Variants in PAPPA2 observed in about 807,000 individuals in gnomAD.
The protein encoded by PAPPA2 is pappalysin-2.
A neutral mutation model predicts 176.4 loss-of-function variants in PAPPA2; 86 were observed. That is an observed-to-expected ratio of 0.49 (90% CI 0.41 to 0.58). The LOEUF (loss-of-function observed/expected upper bound fraction) is 0.58, where lower values mean the gene tolerates loss of function less well. Among genes scored for constraint, PAPPA2 ranks in the 20% least tolerant of loss-of-function variants. The pLI is 0.00. For missense variants in PAPPA2, 2,073 were observed against 2,256.9 expected, an observed-to-expected ratio of 0.92 and a Z score of 1.65; for synonymous variants, 809 against 852.2, an observed-to-expected ratio of 0.95 and a Z score of 0.88.
At chr1:176,704,713 T>G (rs1457644775) in intron 9 of PAPPA2, among the ~76,000 whole-genome samples, 1 of 152,214 alleles carries the variant, frequency 6.6e-6, no homozygotes, top group Admixed American at 6.5e-5. Context: ...ATAAATTTTA[T>G]AAAGTCTAAA....
At chr1:176,523,627 T>C (rs1314046188) in intron 1 of PAPPA2, among the ~76,000 whole-genome samples, 1 of 152,262 alleles carries the variant, frequency 6.6e-6, no homozygotes, top group Non-Finnish European at 1.5e-5. Flanking sequence ...TGGAAATTCA[T>C]TTATTCATTC....
chr1:176,785,435 G>A (rs1280278651), intron 17 of PAPPA2, among the ~76,000 whole-genome samples: 1 of 152,138 alleles, frequency 6.6e-6, no homozygotes. Flanking sequence ...GGAGGCCCAT[G>A]GAGAGACGGC....
intron 2 of PAPPA2, among the ~76,000 whole-genome samples, chr1:176,571,845 A>C (rs1041817203): frequency 1.3e-5 from 2 of 152,242 alleles, no homozygotes; most frequent in Non-Finnish European, 1.5e-5. Flanking sequence ...ATCCAGTAGA[A>C]ACAAAACCTG....
chr1:176,672,708 A>G (rs539374888), intron 4 of PAPPA2, among the ~76,000 whole-genome samples: 2 of 152,342 alleles, frequency 1.3e-5, no homozygotes, highest in East Asian at 1.9e-4. Flanking sequence ...GCAAATGTAT[A>G]TATACACATA....
At chr1:176,786,900 A>G (rs1664960668) in intron 17 of PAPPA2, among the ~76,000 whole-genome samples, 1 of 152,188 alleles carries the variant, frequency 6.6e-6, no homozygotes, top group Non-Finnish European at 1.5e-5. Context: ...CAAAGAAGGG[A>G]ACAACAGACA....
At chr1:176,796,717 T>G (rs1036335325) in intron 20 of PAPPA2, among the ~76,000 whole-genome samples, 1 of 151,478 alleles carries the variant, frequency 6.6e-6, no homozygotes, top group Admixed American at 6.6e-5. Context: ...TCTTTTTCTT[T>G]CTTTCTTCTT....
chr1:176,776,418 T>C (rs182346368), intron 17 of PAPPA2, among the ~76,000 whole-genome samples: 50 of 152,292 alleles, frequency 3.3e-4, no homozygotes, highest in African/African-American at 1.1e-3. Flanking sequence ...TTTCTGAGGG[T>C]TGCCCACAGC....
chr1:176,746,909 A>T (rs1034714444), intron 14 of PAPPA2, among the ~76,000 whole-genome samples: 4 of 152,142 alleles, frequency 2.6e-5, no homozygotes, highest in African/African-American at 9.7e-5. Flanking sequence ...GCATGTGTGT[A>T]TTCATGTGCG....
chr1:176,693,032 A>G (rs1248859368), intron 6 of PAPPA2, among the ~76,000 whole-genome samples: 1 of 152,246 alleles, frequency 6.6e-6, no homozygotes, highest in Non-Finnish European at 1.5e-5. Flanking sequence ...GTTTGAAAGA[A>G]TAACAGATAA....
intron 12 of PAPPA2, among the ~76,000 whole-genome samples, chr1:176,729,410 T>C (rs1292541522): frequency 2.0e-5 from 3 of 152,028 alleles, no homozygotes; most frequent in South Asian, 2.1e-4. Flanking sequence ...TAAACATAGC[T>C]AGCAGGACAT....
intron 2 of PAPPA2, among the ~76,000 whole-genome samples, chr1:176,558,843 A>T (rs1185572474): frequency 6.6e-6 from 1 of 152,154 alleles, no homozygotes; most frequent in African/African-American, 2.4e-5. Context: ...CAGTAGCAAC[A>T]TAAAGACCGG....
intron 2 of PAPPA2, among the ~76,000 whole-genome samples, chr1:176,582,458 C>A (rs1005299960): frequency 6.6e-6 from 1 of 152,048 alleles, no homozygotes; most frequent in African/African-American, 2.4e-5. Flanking sequence ...CACTTATGGC[C>A]TTTATTGTGT....
intron 1 of PAPPA2, among the ~76,000 whole-genome samples, chr1:176,483,574 G>A (rs192440000): frequency 1.4e-3 from 199 of 143,546 alleles, no homozygotes; most frequent in African/African-American, 4.6e-3. Flanking sequence ...GGGTTCAAGC[G>A]ATTCTCCTGT....
At chr1:176,825,472 A>G (rs897372829) in intron 21 of PAPPA2, among the ~76,000 whole-genome samples, 3 of 152,176 alleles carry the variant, frequency 2.0e-5, no homozygotes, top group African/African-American at 7.2e-5. Flanking sequence ...TTGACCCTCT[A>G]GTATGTCAGC....
At chr1:176,759,608 A>G (rs1450965477) in intron 14 of PAPPA2, among the ~76,000 whole-genome samples, 1 of 152,204 alleles carries the variant, frequency 6.6e-6, no homozygotes, top group Non-Finnish European at 1.5e-5. Flanking sequence ...GGGCAGCTGT[A>G]GGCAGAATAA....
chr1:176,474,005 G>T (rs1652004123), intron 1 of PAPPA2, among the ~76,000 whole-genome samples: 1 of 152,166 alleles, frequency 6.6e-6, no homozygotes, highest in Non-Finnish European at 1.5e-5. Context: ...TTTGGAACAG[G>T]TGGCTAGAAT....
chr1:176,556,784 G>C lies in PAPPA2; in HGVS notation c.462G>C (p.Lys154Asn). ...CTTATCTCGGCAATCAAAGATCCAA[G>C]GAGTCTCTAGGTGAGGCCGGGATTC... ...DDAYLGNQRS[K>N]ESLGEAGIQK... The change falls in exon 2 of 23, where the codon AAG becomes AAC. Residue 154 changes from lysine to asparagine, a missense_variant. By Grantham distance (94) the Lys-to-Asn change is moderately conservative. Around this residue, in one of 4 missense-constraint regions of PAPPA2, gnomAD observed 1,196 missense variants for 1,330.4 expected, o/e 0.90. Transcript: ENST00000367662. 6.2e-7 allele frequency: 1 copy of C among 1,614,130 alleles called. No individual in the cohort carries two copies. Among genetic ancestry groups the C allele is most frequent in the Non-Finnish European group, 8.5e-7 (1 of 1,180,030 alleles).
intron 2 of PAPPA2, among the ~76,000 whole-genome samples, chr1:176,582,437 A>G (rs932794699): frequency 2.0e-5 from 3 of 152,296 alleles, no homozygotes; most frequent in South Asian, 2.1e-4. Context: ...GTTCAGTACG[A>G]TATTAGCGGT....
intron 17 of PAPPA2, among the ~76,000 whole-genome samples, chr1:176,781,911 C>T (rs1386297130): frequency 6.6e-6 from 1 of 152,112 alleles, no homozygotes; most frequent in Admixed American, 6.5e-5. Context: ...CAAAAATGGA[C>T]CATGTATCAG....
Sources: allele counts gnomAD v4.1 joint callset (sites outside exome capture counted in the v4.1 genomes callset), GRCh38; gene constraint gnomAD v4.1.1; regional missense constraint gnomAD v4.1.1; transcripts MANE v1.5; gene names NCBI Gene and HGNC (gene_info 2026-07-23, HGNC 2026-07-21).